Variants in FRMD4A observed in about 807,000 individuals in gnomAD.
FRMD4A encodes FERM domain containing 4A.
A neutral mutation model predicts 129.1 loss-of-function variants in FRMD4A; 29 were observed. That is an observed-to-expected ratio of 0.22 (90% CI 0.17 to 0.31). The LOEUF (loss-of-function observed/expected upper bound fraction) is 0.31. Among genes scored for constraint, FRMD4A ranks in the 10% least tolerant of loss-of-function variants. The pLI is 1.00. For synonymous variants in FRMD4A, 634 were observed against 571.6 expected, an observed-to-expected ratio of 1.11 and a Z score of -1.56; for missense variants, 1,272 against 1,375.8, an observed-to-expected ratio of 0.92 and a Z score of 1.19.
intron 2 of FRMD4A, among the ~76,000 whole-genome samples, chr10:14,317,250 A>T (rs1160307114): frequency 6.6e-6 from 1 of 152,134 alleles, no homozygotes; most frequent in Admixed American, 6.5e-5. Flanking sequence ...CCCAGCCAGG[A>T]TCTTGACCTC....
chr10:14,191,701 ATG>A (rs913862561), intron 2 of FRMD4A, among the ~76,000 whole-genome samples: 51 of 152,242 alleles, frequency 3.3e-4, no homozygotes, highest in African/African-American at 1.2e-3. Context: ...TATTTTTAGA[ATG>A]TGTGACATTT....
At chr10:13,948,123 T>G (rs1253571537) in intron 2 of FRMD4A, among the ~76,000 whole-genome samples, 1 of 152,142 alleles carries the variant, frequency 6.6e-6, no homozygotes, top group Non-Finnish European at 1.5e-5. Flanking sequence ...AATATGGTTC[T>G]CATTAAATGG....
At chr10:13,878,338 G>A (rs751338251) in intron 2 of FRMD4A, among the ~76,000 whole-genome samples, 3 of 152,148 alleles carry the variant, frequency 2.0e-5, no homozygotes, top group Non-Finnish European at 4.4e-5. Flanking sequence ...AGCTGGCTGG[G>A]CTCCTGATCT....
intron 3 of FRMD4A, among the ~76,000 whole-genome samples, chr10:13,851,702 C>A (rs1222378618): frequency 1.3e-5 from 2 of 152,024 alleles, no homozygotes; most frequent in African/African-American, 4.8e-5. Flanking sequence ...GAGATTGAGA[C>A]TGTCCTGGCC....
rs79970140 is a variant in FRMD4A at position 14,281,477 on chromosome 10, C to A, written c.45+48581G>T. ...GATAACATTGATCTCAGACTTGCAGCCACCAGGACTGTGAGAACATGAATT... is the reference window on the plus strand; with the variant it reads ...GATAACATTGATCTCAGACTTGCAGACACCAGGACTGTGAGAACATGAATT... On this transcript the variant is annotated intron_variant, in intron 2 of 24. Coordinates refer to ENST00000357447, the MANE Select transcript of FRMD4A (RefSeq NM_018027.5). 5.4e-3 allele frequency among the ~76,000 whole-genome samples: 824 copies of A among 152,332 alleles called. 27 individuals carry two copies. In the East Asian group the frequency reaches 0.071, roughly 13 times the overall value.
At chr10:14,174,258 C>T (rs1841617530) in intron 2 of FRMD4A, among the ~76,000 whole-genome samples, 2 of 152,118 alleles carry the variant, frequency 1.3e-5, no homozygotes, top group African/African-American at 4.8e-5. Flanking sequence ...TCGCCCTGGT[C>T]CCCTCTCTCT....
rs747299123 is a variant in FRMD4A at position 13,692,140 on chromosome 10, C to CTTTTTTTTTTT, written c.1117+1747_1117+1757dup. 82 of 100,484 alleles carry CTTTTTTTTTTT rather than the reference C, an allele frequency of 8.2e-4. 30 individuals are homozygous for CTTTTTTTTTTT. Among genetic ancestry groups the CTTTTTTTTTTT allele is most frequent in the African/African-American group, 2.7e-3 (65 of 24,450 alleles). The allele number at this position is 100,484 out of a possible 1,614,324, so 6.2% of individuals were successfully genotyped here. A position where few individuals can be genotyped will look rare whatever the true frequency, so the allele number is the denominator to read the frequency against. ...CTTGAAGCTTATAAAATTTTAGCAG[C>CTTTTTTTTTTT]TTTTTTTTTTTTTTTTTTTTTTTTT... On this transcript the variant is annotated intron_variant, in intron 15 of 24. Transcript: ENST00000357447.
At chr10:14,212,914 A>T (rs905901027) in intron 2 of FRMD4A, among the ~76,000 whole-genome samples, 1 of 152,228 alleles carries the variant, frequency 6.6e-6, no homozygotes, top group Admixed American at 6.5e-5. Context: ...CGGAGAAGTC[A>T]CTTACGGCAA....
chr10:14,107,905 G>T (rs1361632970), intron 2 of FRMD4A, among the ~76,000 whole-genome samples: 2 of 152,170 alleles, frequency 1.3e-5, no homozygotes, highest in African/African-American at 4.8e-5. Flanking sequence ...AAATAATGCT[G>T]CAAAGAGTAG....
At chr10:14,183,158 T>C (rs563241996) in intron 2 of FRMD4A, among the ~76,000 whole-genome samples, 106 of 152,232 alleles carry the variant, frequency 7.0e-4, no homozygotes, top group Non-Finnish European at 1.2e-3. Context: ...CTCCAGATTA[T>C]ATGGTCTTAG....
At chr10:13,861,638 C>T (rs1354383972) in intron 2 of FRMD4A, among the ~76,000 whole-genome samples, 1 of 152,222 alleles carries the variant, frequency 6.6e-6, no homozygotes, top group Non-Finnish European at 1.5e-5. Context: ...TCAAAGCAGG[C>T]AGCTGTGGAC....
At chr10:13,863,938 C>T (rs2094328697) in intron 2 of FRMD4A, among the ~76,000 whole-genome samples, 1 of 152,146 alleles carries the variant, frequency 6.6e-6, no homozygotes, top group South Asian at 2.1e-4. Flanking sequence ...CACACAGGGA[C>T]ACGGAAAGTA....
chr10:14,027,509 G>A (rs139403004), intron 2 of FRMD4A, among the ~76,000 whole-genome samples: 11 of 152,162 alleles, frequency 7.2e-5, no homozygotes, highest in African/African-American at 2.4e-4. Flanking sequence ...CCAGCTACTC[G>A]GGAGGCTGAG....
intron 4 of FRMD4A, among the ~76,000 whole-genome samples, chr10:13,799,042 T>TG (rs1398401288): frequency 2.6e-5 from 4 of 152,170 alleles, no homozygotes; most frequent in Middle Eastern, 3.4e-3. Context: ...CCGGGTGGGA[T>TG]GGGGGGGTCC....
intron 2 of FRMD4A, among the ~76,000 whole-genome samples, chr10:13,962,296 A>T (rs147154558): frequency 1.3e-5 from 2 of 152,350 alleles, no homozygotes; most frequent in African/African-American, 4.8e-5. Flanking sequence ...CCTCGTTATG[A>T]TACCATTATT....
intron 9 of FRMD4A, among the ~76,000 whole-genome samples, chr10:13,744,093 G>T (rs886319675): frequency 6.6e-6 from 1 of 152,158 alleles, no homozygotes; most frequent in African/African-American, 2.4e-5. Context: ...TGAAATGCAT[G>T]GGTGATGGAA....
At chr10:14,037,121 G>A (rs10906576) in intron 2 of FRMD4A, among the ~76,000 whole-genome samples, 36,155 of 152,170 alleles carry the variant, frequency 0.24, 4,531 homozygotes, top group African/African-American at 0.3. Flanking sequence ...GGCATAAAAT[G>A]TTACCATTGG....
At chr10:14,143,081 G>T (rs1367849220) in intron 2 of FRMD4A, among the ~76,000 whole-genome samples, 2 of 152,156 alleles carry the variant, frequency 1.3e-5, no homozygotes, top group East Asian at 1.9e-4. Context: ...ACAGTATGGT[G>T]GTTTCTCAAA....
At chr10:13,995,071 G>C (rs985065302) in intron 2 of FRMD4A, among the ~76,000 whole-genome samples, 2 of 152,164 alleles carry the variant, frequency 1.3e-5, no homozygotes, top group Non-Finnish European at 2.9e-5. Flanking sequence ...CTGACCACTG[G>C]ATCTCTTAAG....
Sources: gnomAD v4.1 joint callset for allele counts (sites outside exome capture counted in the v4.1 genomes callset) on GRCh38, gnomAD v4.1.1 for gene constraint, MANE v1.5 for transcripts, NCBI Gene and HGNC (gene_info 2026-07-23, HGNC 2026-07-21) for gene names.